SLC35F4: variants seen among roughly 807,000 people sequenced by gnomAD.
SLC35F4 encodes the protein solute carrier family 35 member F4, also known as chromosome 14 open reading frame 36.
In SLC35F4, 24 loss-of-function variants were observed where a neutral mutation model predicts 44.2. The ratio of observed to expected loss-of-function variants is 0.54; its 90% CI spans 0.39 to 0.76. The LOEUF (loss-of-function observed/expected upper bound fraction) is 0.76, where lower values mean the gene tolerates loss of function less well. SLC35F4 is among the 30% of genes least tolerant of loss of function. SLC35F4 has a pLI of 0.00. For synonymous variants in SLC35F4, 238 were observed against 223.6 expected (o/e 1.06, Z -0.57); for missense variants, 562 against 586.1 (o/e 0.96, Z 0.42).
chr14:57,658,253 A>C (rs2074030895), intron 1 of SLC35F4, among the ~76,000 whole-genome samples: 1 of 152,212 alleles, frequency 6.6e-6, no homozygotes, highest in Non-Finnish European at 1.5e-5. Context: ...TTTTCAGAGA[A>C]GCAGTTAGCT....
At chr14:57,768,725 A>G (rs1489494269) in intron 1 of SLC35F4, among the ~76,000 whole-genome samples, 1 of 152,198 alleles carries the variant, frequency 6.6e-6, no homozygotes, top group Non-Finnish European at 1.5e-5. Context: ...GGATACTATT[A>G]AAAGAGTCAA....
Position 57,947,226 on chromosome 14 carries a change from T to G in SLC35F4, n.282+34687A>C, listed in dbSNP as rs558444049. ...TGGTTAGGTATATTCGTAAGTTTTT[T>G]GTTGGTGCTGGTGGTGGGTTTTTTG... On this transcript the variant is annotated intron_variant and non_coding_transcript_variant, in intron 1 of 1. Coordinates refer to the SLC35F4 transcript ENST00000556568. Among the ~76,000 whole-genome samples, 10 of 151,374 alleles carry G rather than the reference T, an allele frequency of 6.6e-5. 1 individual carries two copies. In the South Asian group the frequency reaches 2.1e-3, roughly 32 times the overall value.
chr14:57,581,087 G>T, intron 4 of SLC35F4, 127 bp downstream of exon 4: 2 of 905,674 alleles, frequency 2.2e-6, no homozygotes, highest in Non-Finnish European at 1.5e-6. Context: ...TTCAGATTTC[G>T]GTTTGTACTC....
intron 1 of SLC35F4, among the ~76,000 whole-genome samples, chr14:57,944,801 A>G (rs1370346725): frequency 6.6e-6 from 1 of 152,122 alleles, no homozygotes; most frequent in Non-Finnish European, 1.5e-5. Flanking sequence ...GAAAGAAAAA[A>G]GAAAAGAAAA....
chr14:57,843,755 A>G (rs980127230), intron 1 of SLC35F4, among the ~76,000 whole-genome samples: 2 of 152,162 alleles, frequency 1.3e-5, no homozygotes, highest in African/African-American at 2.4e-5. Flanking sequence ...ACTTTTATTC[A>G]TCAGATTTTC....
intron 1 of SLC35F4, among the ~76,000 whole-genome samples, chr14:57,598,007 A>T (rs2070593616): frequency 6.6e-6 from 1 of 152,202 alleles, no homozygotes; most frequent in Non-Finnish European, 1.5e-5. Context: ...TATACTAGGA[A>T]TCCAAACTAA....
chr14:57,645,164 A>T (rs1231853663), intron 1 of SLC35F4, among the ~76,000 whole-genome samples: 5 of 152,170 alleles, frequency 3.3e-5, no homozygotes, highest in Non-Finnish European at 7.4e-5. Context: ...GAACAAAGTC[A>T]TTGGTAGCTT....
At chr14:57,846,067 G>A (rs1885995004) in intron 1 of SLC35F4, among the ~76,000 whole-genome samples, 1 of 152,078 alleles carries the variant, frequency 6.6e-6, no homozygotes, top group Non-Finnish European at 1.5e-5. Context: ...TCTCTAATAA[G>A]CATAAGTATG....
At chr14:57,749,687 C>T (rs1048092304) in intron 1 of SLC35F4, among the ~76,000 whole-genome samples, 1 of 152,138 alleles carries the variant, frequency 6.6e-6, no homozygotes, top group Non-Finnish European at 1.5e-5. Flanking sequence ...TATAGAGCCT[C>T]CTTTGGGGAC....
chr14:57,623,446 T>A (rs1211378432), intron 1 of SLC35F4, among the ~76,000 whole-genome samples: 1 of 152,214 alleles, frequency 6.6e-6, no homozygotes, highest in African/African-American at 2.4e-5. Flanking sequence ...AACTCAGCTC[T>A]GGACCAAGCG....
intron 1 of SLC35F4, among the ~76,000 whole-genome samples, chr14:57,959,123 G>A (rs559031962): frequency 6.6e-6 from 1 of 152,228 alleles, no homozygotes; most frequent in South Asian, 2.1e-4. Flanking sequence ...TGCATGCTGG[G>A]CCCTGACCTA....
rs990690295 is a variant in SLC35F4, at chr14:57,900,132, G to A, written n.282+81781C>T. On this transcript the variant is annotated intron_variant and non_coding_transcript_variant, in intron 1 of 1. Coordinates refer to the SLC35F4 transcript ENST00000556568. ...CATTTTACAGAGCACTGATTGGTGCGTTTTACAGAGCACTGTTTGGTGCAT... is the reference window on the plus strand; with the variant it reads ...CATTTTACAGAGCACTGATTGGTGCATTTTACAGAGCACTGTTTGGTGCAT... 2.7e-5 allele frequency among the ~76,000 whole-genome samples: 4 copies of A among 149,604 alleles called. No individual in the cohort carries two copies. In the East Asian group the frequency reaches 8.3e-4, roughly 31 times the overall value.
intron 1 of SLC35F4, among the ~76,000 whole-genome samples, chr14:57,784,984 T>C (rs553662092): frequency 1.3e-5 from 2 of 152,248 alleles, no homozygotes; most frequent in Non-Finnish European, 2.9e-5. Context: ...GTAAGAATAC[T>C]CTATATAATA....
At chr14:57,981,478 T>C (rs1881380679) in intron 1 of SLC35F4, among the ~76,000 whole-genome samples, 1 of 152,156 alleles carries the variant, frequency 6.6e-6, no homozygotes, top group Non-Finnish European at 1.5e-5. Context: ...CTTGCGCTAA[T>C]GGATGGGATT....
At chr14:57,670,039 T>G (rs1246886998) in intron 1 of SLC35F4, among the ~76,000 whole-genome samples, 1 of 152,158 alleles carries the variant, frequency 6.6e-6, no homozygotes, top group Non-Finnish European at 1.5e-5. Context: ...AGATTCAACT[T>G]CTTCCTGGTT....
chr14:57,869,527 C>T (rs985800588), upstream of SLC35F4, among the ~76,000 whole-genome samples: 10 of 152,240 alleles, frequency 6.6e-5, no homozygotes, highest in East Asian at 1.9e-3. Context: ...TTTGAAGTTA[C>T]CACTGAAAGA....
chr14:57,648,482 T>C (rs2073640633), intron 1 of SLC35F4, among the ~76,000 whole-genome samples: 1 of 152,214 alleles, frequency 6.6e-6, no homozygotes, highest in Non-Finnish European at 1.5e-5. Context: ...CATTTTTTTC[T>C]TAGAGCTACA....
At chr14:57,910,410 A>C (rs1237072570) in intron 1 of SLC35F4, among the ~76,000 whole-genome samples, 1 of 152,078 alleles carries the variant, frequency 6.6e-6, no homozygotes, top group Non-Finnish European at 1.5e-5. Context: ...CAATGTTGTC[A>C]TCTGGGAGTT....
At chr14:57,688,917 G>A (rs953746167) in intron 1 of SLC35F4, among the ~76,000 whole-genome samples, 2 of 152,154 alleles carry the variant, frequency 1.3e-5, no homozygotes, top group Non-Finnish European at 2.9e-5. Flanking sequence ...CAGTGCTGTG[G>A]CAGTATGATG....
Sources: allele counts gnomAD v4.1 joint callset (sites outside exome capture counted in the v4.1 genomes callset), GRCh38; gene constraint gnomAD v4.1.1; transcripts MANE v1.5; gene names NCBI Gene and HGNC (gene_info 2026-07-23, HGNC 2026-07-21).